The following DSTN variants were observed in gnomAD, a reference collection of about 807,000 sequenced individuals.
DSTN encodes the protein destrin, actin depolymerizing factor, also known as destrin.
A neutral mutation model predicts 16.8 loss-of-function variants in DSTN; 10 were observed. The ratio of observed to expected loss-of-function variants is 0.60; its 90% confidence interval spans 0.37 to 1.01. The LOEUF (loss-of-function observed/expected upper bound fraction) is 1.01. DSTN is among the 50% of genes least tolerant of loss of function. The pLI, the probability that DSTN is intolerant of heterozygous loss-of-function variation, is 0.01. For missense variants in DSTN, 141 were observed against 196.7 expected (o/e 0.72, Z 1.69); for synonymous variants, 57 against 58.9 (o/e 0.97, Z 0.14).
At chr20:17,594,409 T>C (rs562002757) in intron 1 of DSTN, among the ~76,000 whole-genome samples, 1 of 152,298 alleles carries the variant, frequency 6.6e-6, no homozygotes, top group African/African-American at 2.4e-5. Context: ...AGCTTTAAGA[T>C]CACTTTTATT....
chr20:17,591,848 T>TA, intron 1 of DSTN: 1 of 967,736 alleles, frequency 1.0e-6, no homozygotes, highest in Non-Finnish European at 1.2e-6. Flanking sequence ...TGCTTTAAGA[T>TA]ATCTCCTTTT....
chr20:17,573,841 A>G (rs547051863), intron 1 of DSTN, among the ~76,000 whole-genome samples: 2 of 152,094 alleles, frequency 1.3e-5, no homozygotes, highest in South Asian at 4.2e-4. Flanking sequence ...CATTCTGTAA[A>G]TACTTACCAT....
At chr20:17,582,918 AAC>A (rs1273588329) in intron 1 of DSTN, among the ~76,000 whole-genome samples, 1 of 152,268 alleles carries the variant, frequency 6.6e-6, no homozygotes, top group East Asian at 1.9e-4. Context: ...AGGAAATGAA[AAC>A]ACAACCCACA....
chr20:17,590,231 C>T (rs533722408), intron 1 of DSTN, among the ~76,000 whole-genome samples: 6 of 152,258 alleles, frequency 3.9e-5, no homozygotes, highest in Non-Finnish European at 8.8e-5. Flanking sequence ...GTAAAATACC[C>T]AGTGTTCCAT....
intron 1 of DSTN, among the ~76,000 whole-genome samples, chr20:17,591,148 G>A (rs1027431750): frequency 1.3e-5 from 2 of 152,082 alleles, no homozygotes; most frequent in Non-Finnish European, 2.9e-5. Context: ...TGAAAGAATG[G>A]GACTGATGGG....
intron 1 of DSTN, chr20:17,576,502 C>T (rs962879309): frequency 6.4e-6 from 1 of 155,692 alleles, no homozygotes; most frequent in African/African-American, 2.4e-5. Context: ...CCAGATCGCC[C>T]TCACATCATA....
At chr20:17,588,653 G>A (rs544960678) in intron 1 of DSTN, among the ~76,000 whole-genome samples, 197 of 152,230 alleles carry the variant, frequency 1.3e-3, no homozygotes, top group African/African-American at 4.3e-3. Context: ...GTATGGTGGC[G>A]GGCGCCTGTA....
intron 1 of DSTN, among the ~76,000 whole-genome samples, chr20:17,593,405 G>A (rs1361944255): frequency 6.6e-6 from 1 of 151,984 alleles, no homozygotes; most frequent in Admixed American, 6.6e-5. Flanking sequence ...TAATGAATAA[G>A]ACAGACACCG....
chr20:17,594,982 A>G (rs1246583996), intron 1 of DSTN, among the ~76,000 whole-genome samples: 1 of 152,216 alleles, frequency 6.6e-6, no homozygotes, highest in Non-Finnish European at 1.5e-5. Flanking sequence ...GATGTGAGAT[A>G]GGAAGTTGAA....
intron 1 of DSTN, among the ~76,000 whole-genome samples, chr20:17,590,726 G>A (rs1285464407): frequency 6.6e-6 from 1 of 152,142 alleles, no homozygotes; most frequent in Admixed American, 6.5e-5. Context: ...AATTTTTTAA[G>A]TAAAAACAAT....
chr20:17,604,430 A>T, intron 2 of DSTN, 125 bp from the exon 3 acceptor site: 1 of 964,174 alleles, frequency 1.0e-6, no homozygotes, highest in Non-Finnish European at 1.5e-6. Context: ...ATGTGCAGTT[A>T]AGAAAAAATA....
chr20:17,583,735 C>CTTGTTTTTTTTTTTTTTTTTTTTTTT, intron 1 of DSTN, among the ~76,000 whole-genome samples: 1 of 72,484 alleles, frequency 1.4e-5, no homozygotes, highest in African/African-American at 5.4e-5. Flanking sequence ...TTTGGAGTTT[C>CTTGTTTTTTTTTTTTTTTTTTTTTTT]TTTTTTTTTT....
chr20:17,606,900 T>TA lies in DSTN; in HGVS notation c.389-136dup, dbSNP rs1247980537. On this transcript the variant is annotated intron_variant, in intron 3 of 3. Transcript: ENST00000246069. ...TGTAGTTACAATTATTTTTTCTCGT[T>TA]ACTGTGTAGTATTCCGTGTTTGTAT... 39 of 668,524 alleles carry TA rather than the reference T, an allele frequency of 5.8e-5. No homozygotes were observed. In the African/African-American group the frequency reaches 6.0e-4, roughly 10 times the overall value. The allele number at this position is 668,524 out of a possible 1,614,324, so 41.4% of individuals were successfully genotyped here.
chr20:17,606,257 C>A (rs908137120), intron 3 of DSTN, among the ~76,000 whole-genome samples: 10 of 152,178 alleles, frequency 6.6e-5, no homozygotes, highest in Admixed American at 2.6e-4. Context: ...ATGGGAATAA[C>A]CATGCAGCTA....
chr20:17,570,582 G>T (rs976239062), intron 1 of DSTN, among the ~76,000 whole-genome samples: 3 of 151,654 alleles, frequency 2.0e-5, no homozygotes, highest in East Asian at 1.9e-4. Context: ...GCCGGGGAGT[G>T]GGGGGCGGGG....
chr20:17,591,383 G>GGGC (rs2035467211), intron 1 of DSTN, among the ~76,000 whole-genome samples: 1 of 144,968 alleles, frequency 6.9e-6, no homozygotes, highest in South Asian at 2.2e-4. Context: ...TATTTTATTT[G>GGGC]AAACACTATT....
At chr20:17,572,842 G>A (rs771422746) in intron 1 of DSTN, among the ~76,000 whole-genome samples, 1 of 152,158 alleles carries the variant, frequency 6.6e-6, no homozygotes, top group Admixed American at 6.5e-5. Flanking sequence ...CTTTTGTACA[G>A]GAAAAACAGG....
intron 1 of DSTN, chr20:17,599,805 CA>C (rs750510160): frequency 1.3e-5 from 2 of 152,258 alleles, no homozygotes; most frequent in Non-Finnish European, 2.9e-5. Context: ...TGATTGTCTA[CA>C]TTCTTCCCTT....
At chr20:17,591,955 C>A in intron 1 of DSTN, 1 of 985,374 alleles carries the variant, frequency 1.0e-6, no homozygotes, top group Non-Finnish European at 1.2e-6. Context: ...CCACTAGAGG[C>A]AAAGACGTAA....
Sources: allele counts gnomAD v4.1 joint callset (sites outside exome capture counted in the v4.1 genomes callset), GRCh38; gene constraint gnomAD v4.1.1; transcripts MANE v1.5; gene names NCBI Gene and HGNC (gene_info 2026-07-23, HGNC 2026-07-21).